Variants in LRRC56 observed in about 807,000 individuals in gnomAD.
The protein encoded by LRRC56 is leucine rich repeat containing 56.
A neutral mutation model predicts 47.8 loss-of-function variants in LRRC56; 41 were observed. That is an observed-to-expected ratio of 0.86 (90% CI 0.67 to 1.11). The LOEUF is 1.11. LRRC56 is among the 50% of genes most tolerant of loss of function. The pLI, the probability that LRRC56 is intolerant of heterozygous loss-of-function variation, is 0.00. For synonymous variants in LRRC56, 387 were observed against 311.2 expected (o/e 1.24, Z -2.56); for missense variants, 759 against 704.2 (o/e 1.08, Z -0.88).
the LRRC56 span, among the ~76,000 whole-genome samples, chr11:510,324 A>G: frequency 6.6e-6 from 1 of 152,192 alleles, no homozygotes; most frequent in Non-Finnish European, 1.5e-5. Context: ...TACTCAGGTC[A>G]GGCACGGTGG....
upstream of LRRC56, chr11:533,513 A>C (rs2133986915): frequency 6.2e-7 from 1 of 1,613,558 alleles, no homozygotes; most frequent in Non-Finnish European, 8.5e-7. Flanking sequence ...CGAGGTCCTG[A>C]GCCTGCCGAG....
upstream of LRRC56, chr11:534,453 G>C: frequency 1.4e-6 from 1 of 720,504 alleles, no homozygotes. Flanking sequence ...AGGGCCATCT[G>C]AAGGGCAAAC....
At chr11:537,167 C>A (rs561438637), upstream of LRRC56, 117 of 152,388 alleles carry the variant, frequency 7.7e-4, 2 homozygotes, top group African/African-American at 2.6e-3. Context: ...GCGCGAGCCT[C>A]CAGCAGAGAC....
upstream of LRRC56, chr11:533,179 C>T: frequency 2.6e-6 from 3 of 1,145,918 alleles, no homozygotes; most frequent in Non-Finnish European, 3.6e-6. Flanking sequence ...CCAAGGACCT[C>T]CGCCTTCCCC....
chr11:531,778 C>T, the LRRC56 span, among the ~76,000 whole-genome samples: 4 of 152,234 alleles, frequency 2.6e-5, no homozygotes, highest in Non-Finnish European at 5.9e-5. Flanking sequence ...CAGACCGCTT[C>T]AGGCCACAGA....
chr11:551,345 TC>T, intron 9 of LRRC56, 43 bp downstream of exon 9: 4 of 1,383,324 alleles, frequency 2.9e-6, no homozygotes, highest in Non-Finnish European at 3.9e-6. Flanking sequence ...GAGCCCCAGC[TC>T]CCCCCAGGAA....
chr11:511,135 C>T, the LRRC56 span, among the ~76,000 whole-genome samples: 1 of 151,724 alleles, frequency 6.6e-6, no homozygotes, highest in African/African-American at 2.4e-5. Flanking sequence ...TCCTGGCTAA[C>T]ACGGTAAAAC....
chr11:554,020 C>G lies in LRRC56; in HGVS notation c.1373C>G (p.Pro458Arg), dbSNP rs1347572273. 1 of 1,612,296 alleles carries G rather than the reference C, an allele frequency of 6.2e-7. No homozygotes were observed. The highest frequency in any genetic ancestry group is 8.5e-7 in the Non-Finnish European group (1 of 1,179,784). The change falls in exon 14 of 14, where the codon CCA becomes CGA. Residue 458 changes from proline to arginine, a missense_variant. Pro to Arg is a moderately radical substitution (Grantham distance 103). Coordinates refer to ENST00000270115, the MANE Select transcript of LRRC56 (RefSeq NM_198075.4). ...CCTTCACCTCCCAAGCACCCAAGGC[C>G]ACGAGATTCTGGCAGCAGCTCCCCG... is the stretch of plus-strand genomic sequence containing the variant. ...LVPSPPKHPR[P>R]RDSGSSSPRW...
the LRRC56 span, among the ~76,000 whole-genome samples, chr11:515,301 C>G: frequency 6.6e-6 from 1 of 152,190 alleles, no homozygotes; most frequent in African/African-American, 2.4e-5. Context: ...GTCATAGATG[C>G]TGCAGATGAG....
At chr11:549,617 G>T (rs1035296986) in intron 6 of LRRC56, among the ~76,000 whole-genome samples, 4 of 152,378 alleles carry the variant, frequency 2.6e-5, no homozygotes, top group African/African-American at 7.2e-5. Flanking sequence ...CCTGCAGCCT[G>T]CCAGGGAGGG....
At chr11:546,477 A>G (rs899812680) in intron 6 of LRRC56, among the ~76,000 whole-genome samples, 1 of 152,078 alleles carries the variant, frequency 6.6e-6, no homozygotes, top group African/African-American at 2.4e-5. Flanking sequence ...CTGAGGCAGG[A>G]AAATGGCGTG....
chr11:551,564 G>A, intron 9 of LRRC56, 87 bp from the exon 10 acceptor site: 1 of 1,410,974 alleles, frequency 7.1e-7, no homozygotes, highest in East Asian at 2.3e-5. Context: ...ATGCAGCATG[G>A]GGATTGGGGC....
chr11:544,186 A>G (rs1435442096), intron 5 of LRRC56, among the ~76,000 whole-genome samples: 1 of 152,086 alleles, frequency 6.6e-6, no homozygotes, highest in East Asian at 1.9e-4. Context: ...GCGTGCAGTG[A>G]TCTGGTCCTG....
chr11:534,604 G>A, upstream of LRRC56: 1 of 543,556 alleles, frequency 1.8e-6, no homozygotes, highest in Non-Finnish European at 3.3e-6. Flanking sequence ...AAGGGACCCA[G>A]CCCTCAAAGG....
the LRRC56 span, among the ~76,000 whole-genome samples, chr11:522,702 T>A: frequency 6.6e-6 from 1 of 152,146 alleles, no homozygotes; most frequent in African/African-American, 2.4e-5. Context: ...CCTGCCCTTT[T>A]TTTGTTTTGT....
chr11:553,289 G>A (rs1345090172), intron 13 of LRRC56, among the ~76,000 whole-genome samples: 4 of 152,228 alleles, frequency 2.6e-5, no homozygotes, highest in African/African-American at 7.2e-5. Flanking sequence ...CCGGGCAGGG[G>A]GCAGTGTAAG....
chr11:533,736 G>C (rs781346394), upstream of LRRC56: 1 of 1,612,634 alleles, frequency 6.2e-7, no homozygotes, highest in Non-Finnish European at 8.5e-7. Context: ...TGTGCGGCGT[G>C]GGCTCCCGGG....
rs943890793 is a variant in LRRC56, at chr11:541,767, G to C, written c.265+143G>C. 3.6e-6 allele frequency: 2 copies of C among 550,564 alleles called. No homozygotes were observed. The highest frequency in any genetic ancestry group is 2.0e-5 in the African/African-American group (1 of 51,056). 34.1% of individuals were successfully genotyped at this position (550,564 alleles called of 1,614,324 possible). A position where few individuals can be genotyped will look rare whatever the true frequency, so the allele number is the denominator to read the frequency against. On this transcript the variant is annotated intron_variant, in intron 5 of 13. Coordinates refer to ENST00000270115, the MANE Select transcript of LRRC56 (RefSeq NM_198075.4). The surrounding 1 kb of genome is among the most constrained non-coding windows in gnomAD (Gnocchi z 4.1). ...TCCTTAGGGTTGGCCTCTGACCTGAGGTCTGTGTCAGGTACAGGCAGAGGG... is the reference window on the plus strand; with the variant it reads ...TCCTTAGGGTTGGCCTCTGACCTGACGTCTGTGTCAGGTACAGGCAGAGGG...
chr11:525,301 A>G, the LRRC56 span, among the ~76,000 whole-genome samples: 3 of 151,820 alleles, frequency 2.0e-5, no homozygotes, highest in Non-Finnish European at 4.4e-5. Flanking sequence ...GCACTTTGGG[A>G]GGCCAAGGCG....
Sources: allele counts gnomAD v4.1 joint callset (sites outside exome capture counted in the v4.1 genomes callset), GRCh38; gene constraint gnomAD v4.1.1; non-coding constraint Gnocchi (gnomAD v3.1); transcripts MANE v1.5; gene names NCBI Gene and HGNC (gene_info 2026-07-23, HGNC 2026-07-21).